Variants in AKAP9 observed in about 807,000 individuals in gnomAD.
AKAP9 encodes the protein A-kinase anchor protein 9.
AKAP9 carries 311 observed loss-of-function variants against 488.5 expected under a neutral mutation model. The observed-to-expected ratio is 0.64, with a 90% confidence interval of 0.58 to 0.70. The LOEUF (loss-of-function observed/expected upper bound fraction) is 0.70, where lower values mean the gene tolerates loss of function less well. Ranked by LOEUF, AKAP9 falls within the 30% of genes least tolerant of loss-of-function variation. The probability of loss-of-function intolerance (pLI) is 0.00; values close to 1 mark genes in which losing one functional copy is unlikely to be tolerated. For missense variants in AKAP9, 4,215 were observed against 4,374.5 expected (o/e 0.96, Z 1.03); for synonymous variants, 1,462 against 1,483.5 (o/e 0.99, Z 0.33).
intron 18 of AKAP9, 109 bp from the exon 19 acceptor site, chr7:92,041,937 G>A (rs1806178805): frequency 3.5e-6 from 4 of 1,158,968 alleles, no homozygotes; most frequent in Non-Finnish European, 5.0e-6. Flanking sequence ...TGAATCATAA[G>A]TAGAACCAGG....
In AKAP9 at chr7:91,995,814, A is replaced by G. The variant is rs761628352; in HGVS notation, c.930+14A>G. 6.3e-7 allele frequency: 1 copy of G among 1,581,622 alleles called. No individual in the cohort carries two copies. The highest frequency in any genetic ancestry group is 1.7e-5 in the Admixed American group (1 of 58,212). ...GTATATGAAATGGTATGTTTATTTT[A>G]AGGAAGTCAGCTAACTTGTAGAAGC... On this transcript the variant is annotated intron_variant, in intron 7 of 49. Coordinates refer to ENST00000356239, the MANE Select transcript of AKAP9 (RefSeq NM_005751.5).
chr7:92,066,978 G>T (rs1464779420), intron 26 of AKAP9, among the ~76,000 whole-genome samples: 6 of 152,076 alleles, frequency 3.9e-5, no homozygotes, highest in African/African-American at 1.4e-4. Flanking sequence ...CATGGCTATG[G>T]CTAATATCCA....
chr7:91,968,855 A>C (rs953212662), intron 1 of AKAP9, among the ~76,000 whole-genome samples: 3 of 151,942 alleles, frequency 2.0e-5, no homozygotes, highest in Non-Finnish European at 2.9e-5. Context: ...TTTGTCCTTC[A>C]GGATTATGTT....
At chr7:92,048,418 C>G (rs962027890) in intron 21 of AKAP9, among the ~76,000 whole-genome samples, 7 of 152,226 alleles carry the variant, frequency 4.6e-5, no homozygotes, top group Admixed American at 4.6e-4. Flanking sequence ...TTTGAGCTAA[C>G]ATAAAATCAC....
At chr7:92,043,338 T>G in intron 20 of AKAP9, 1 of 984,864 alleles carries the variant, frequency 1.0e-6, no homozygotes. Context: ...ATCATCAGTA[T>G]GGAACGCAGT....
chr7:92,107,463 T>C, intron 48 of AKAP9, 41 bp downstream of exon 48: 1 of 1,589,896 alleles, frequency 6.3e-7, no homozygotes, highest in Non-Finnish European at 8.6e-7. Flanking sequence ...GTTAAATGTA[T>C]TAATATTTAA....
At chr7:92,043,400 G>C (rs139629759) in intron 20 of AKAP9, 5 of 861,940 alleles carry the variant, frequency 5.8e-6, no homozygotes, top group Non-Finnish European at 7.0e-6. Context: ...GAGTTACCAC[G>C]GCAATATAAA....
intron 33 of AKAP9, 26 bp downstream of exon 33, chr7:92,083,681 T>C (rs1814002711): frequency 6.2e-7 from 1 of 1,604,272 alleles, no homozygotes; most frequent in African/African-American, 1.4e-5. Context: ...AATATGTGTT[T>C]TTCAACATTG....
chr7:91,951,079 A>G (rs928111900), intron 1 of AKAP9, among the ~76,000 whole-genome samples: 4 of 152,010 alleles, frequency 2.6e-5, no homozygotes, highest in African/African-American at 4.8e-5. Flanking sequence ...AAAGTTTGAG[A>G]AAAAGAAAAG....
In AKAP9 at chr7:92,070,085, T is replaced by C; in HGVS notation, c.6386T>C (p.Leu2129Ser). The change falls in exon 27 of 50, where the codon TTG (leucine) becomes TCG (serine). Residue 2129 changes from leucine (L) to serine (S), a missense_variant. This residue lies in a region of AKAP9 where 2,361 missense variants were observed against 2,430.0 expected (regional missense o/e 0.97). Transcript: ENST00000356239. ...KEKTDKCSEL[L>S]LSKEQLQRDI... is the part of the protein sequence containing the mutation. Reference sequence around the variant, plus strand: ...AAAACAGACAAATGCAGTGAGCTTTTGCTCTCTAAAGAGCAGCTTCAAAGG... The same window carrying C: ...AAAACAGACAAATGCAGTGAGCTTTCGCTCTCTAAAGAGCAGCTTCAAAGG... 1 of 1,613,942 alleles carries C rather than the reference T, an allele frequency of 6.2e-7. No homozygotes were observed. The highest frequency in any genetic ancestry group is 8.5e-7 in the Non-Finnish European group (1 of 1,179,972).
rs1417973242 is a variant in AKAP9 at position 92,079,727 on chromosome 7, G to T, written c.7594G>T (p.Glu2532Ter). The T allele has an allele frequency of 6.2e-7, 1 of 1,614,048 alleles. No homozygotes were observed. Among genetic ancestry groups the T allele is most frequent in the East Asian group, 2.2e-5 (1 of 44,848 alleles). ...AGACATGCAAGAACAAGGCCAGTTT[G>T]AAACAGAAATGCTTCAAAAGAAGAT... ...IKDMQEQGQFETEMLQKKIVN... is the reference protein window; with the variant it reads ...IKDMQEQGQF Residue 2532 changes from glutamate (E) to a stop codon, truncating the protein, a stop_gained, in exon 31 of 50, where the codon GAA becomes TAA. Coordinates refer to ENST00000356239, the MANE Select transcript of AKAP9 (RefSeq NM_005751.5). LOFTEE classifies it high-confidence loss of function.
rs1816933365 is a variant in AKAP9, at chr7:92,098,184, A to G, written c.10683A>G (p.Leu3561=). 1 of 1,610,472 alleles carries G rather than the reference A, an allele frequency of 6.2e-7. No individual in the cohort carries two copies. Among genetic ancestry groups the G allele is most frequent in the Admixed American group, 1.7e-5 (1 of 59,986 alleles). Residue 3561 remains leucine, a synonymous_variant, in exon 43 of 50, where the codon CTA becomes CTG. Coordinates refer to ENST00000356239, the MANE Select transcript of AKAP9 (RefSeq NM_005751.5). ...ATATTGATGAAATTATTTTACAACT[A>G]CAGAAATTAACTGGCCAGCAAGGTG... The part of the protein sequence containing the change: ...QENIDEIILQ[L]QKLTGQQGEE...
intron 26 of AKAP9, among the ~76,000 whole-genome samples, chr7:92,066,872 C>T (rs549071221): frequency 7.9e-5 from 12 of 152,244 alleles, no homozygotes; most frequent in African/African-American, 2.9e-4. Flanking sequence ...TTTTCTCTTA[C>T]TAGTCCACTC....
In AKAP9 at chr7:92,001,087, T is replaced by A. The variant is rs781303159; in HGVS notation, c.1170T>A (p.Ser390=). The change falls in exon 8 of 50, where the codon TCT becomes TCA. Residue 390 remains serine, a synonymous_variant. Coordinates refer to ENST00000356239, the MANE Select transcript of AKAP9 (RefSeq NM_005751.5). ...LTNSKQKERQ[S]SEEIKQLMGT... ...ATTCTAAGCAAAAAGAAAGACAGTC[T>A]TCTGAAGAAATAAAACAGTTAATGG... is the stretch of plus-strand genomic sequence containing the variant. 1 of 1,613,802 alleles carries A rather than the reference T, an allele frequency of 6.2e-7. No homozygotes were observed. Among genetic ancestry groups the A allele is most frequent in the Admixed American group, 1.7e-5 (1 of 59,936 alleles).
rs1799256392 is a variant in AKAP9 at position 92,002,172 on chromosome 7, C to T, written c.2255C>T (p.Thr752Ile). ...GAAGTTCAAGAATTACAACTTAAAACAGAATTGTTAGAAAAACAGATGAAG... is the reference window on the plus strand; with the variant it reads ...GAAGTTCAAGAATTACAACTTAAAATAGAATTGTTAGAAAAACAGATGAAG... ...EQEVQELQLK[T>I]ELLEKQMKEK... Residue 752 changes from threonine (T) to isoleucine (I), a missense_variant, in exon 8 of 50, where the codon ACA becomes ATA. Thr to Ile is a moderately conservative substitution (Grantham distance 89). Around this residue, in one of 5 missense-constraint regions of AKAP9, gnomAD observed 2,361 missense variants for 2,430.0 expected, o/e 0.97. Transcript: ENST00000356239. 1 of 1,593,818 alleles carries T rather than the reference C, an allele frequency of 6.3e-7. No homozygotes were observed. The highest frequency in any genetic ancestry group is 1.2e-5 in the South Asian group (1 of 85,484).
chr7:91,994,568 G>A (rs1798155748), intron 5 of AKAP9, 53 bp from the exon 6 acceptor site: 1 of 1,455,658 alleles, frequency 6.9e-7, no homozygotes, highest in Non-Finnish European at 9.4e-7. Flanking sequence ...AAAGTTACCT[G>A]TAATAATAGT....
chr7:91,980,362 A>G (rs748134924), intron 3 of AKAP9, 29 bp downstream of exon 3: 1 of 1,197,838 alleles, frequency 8.3e-7, no homozygotes, highest in South Asian at 1.5e-5. Flanking sequence ...GATTTCTAAT[A>G]TCATAAATGT....
rs1562987734 is a variant in AKAP9, at chr7:92,017,037, ACTCTT to A, written c.3776_3780del (p.Leu1259GlnfsTer31). On this transcript the variant is annotated frameshift_variant, in exon 12 of 50. Transcript: ENST00000356239. LOFTEE classifies it high-confidence loss of function. ...TCCAGACTTTCAAGAAAATATGCAC[ACTCTT>A]CTCAACAAAGTAACAGAAGAATACA... 6.3e-7 allele frequency: 1 copy of A among 1,586,602 alleles called. No individual in the cohort carries two copies. The highest frequency in any genetic ancestry group is 8.6e-7 in the Non-Finnish European group (1 of 1,160,306).
chr7:92,080,035 A>G lies in AKAP9; in HGVS notation c.7902A>G (p.Lys2634=). 1 of 1,563,662 alleles carries G rather than the reference A, an allele frequency of 6.4e-7. No individual in the cohort carries two copies. The highest frequency in any genetic ancestry group is 1.4e-5 in the African/African-American group (1 of 72,254). The change falls in exon 31 of 50, where the codon AAA becomes AAG. Residue 2634 remains lysine, a synonymous_variant. Coordinates refer to ENST00000356239, the MANE Select transcript of AKAP9 (RefSeq NM_005751.5). The part of the protein sequence containing the change: ...LEKEQVEIAE[K]NVLEKEKKLL... ...AAGAACAAGTAGAAATTGCAGAAAA[A>G]AATGTTTTAGAAAAAGAAAAGAAGC...
Sources: gnomAD v4.1 joint callset for allele counts (sites outside exome capture counted in the v4.1 genomes callset) on GRCh38, gnomAD v4.1.1 for gene constraint, gnomAD v4.1.1 regional missense constraint, MANE v1.5 for transcripts, NCBI Gene and HGNC (gene_info 2026-07-23, HGNC 2026-07-21) for gene names.